The following ANAPC4 variants were observed in gnomAD, a reference collection of about 807,000 sequenced individuals.
ANAPC4 encodes anaphase-promoting complex subunit 4.
In ANAPC4, 63 loss-of-function variants were observed where a neutral mutation model predicts 119.8. The ratio of observed to expected loss-of-function variants is 0.53; its 90% CI spans 0.43 to 0.65. ANAPC4 has a LOEUF of 0.65. Among genes scored for constraint, ANAPC4 ranks in the 30% least tolerant of loss-of-function variants. ANAPC4 has a pLI of 0.00. For missense variants in ANAPC4, 716 were observed against 945.1 expected, an observed-to-expected ratio of 0.76 and a Z score of 3.18; for synonymous variants, 283 against 318.6, an observed-to-expected ratio of 0.89 and a Z score of 1.19.
intron 16 of ANAPC4, 143 bp downstream of exon 16, chr4:25,397,042 GC>G: frequency 1.3e-6 from 1 of 787,170 alleles, no homozygotes; most frequent in Non-Finnish European, 2.0e-6. Flanking sequence ...GTTCCGAAAA[GC>G]CAGCAGCACA....
intron 28 of ANAPC4, chr4:25,417,947 C>A (rs1204044167): frequency 1.2e-6 from 1 of 852,178 alleles, no homozygotes; most frequent in Non-Finnish European, 1.7e-6. Context: ...AATAATAATA[C>A]TAGATTTTAA....
At chr4:25,409,551 G>A in intron 20 of ANAPC4, 147 bp from the exon 21 acceptor site, 1 of 585,592 alleles carries the variant, frequency 1.7e-6, no homozygotes, top group Non-Finnish European at 3.0e-6. Flanking sequence ...AACTTATTAA[G>A]TTAAAAAAGT....
rs80340350 is a variant in ANAPC4 at position 25,408,139 on chromosome 4, C to G, written c.1431+886C>G. On this transcript the variant is annotated intron_variant, in intron 20 of 28. Coordinates refer to ENST00000315368, the MANE Select transcript of ANAPC4 (RefSeq NM_013367.3). Reference sequence around the variant, plus strand: ...TCAGTGTATATGAAAAAAGTCTGGCCTCACACAGGTGTGTATATGAAAAGG... The same window carrying G: ...TCAGTGTATATGAAAAAAGTCTGGCGTCACACAGGTGTGTATATGAAAAGG... Among the ~76,000 whole-genome samples, 592 of 152,244 alleles carry G rather than the reference C, an allele frequency of 3.9e-3. 3 individuals are homozygous for G. Among genetic ancestry groups the G allele is most frequent in the African/African-American group, 0.014 (570 of 41,526 alleles).
At chr4:25,382,456 G>T (rs1323660070) in intron 3 of ANAPC4, among the ~76,000 whole-genome samples, 1 of 152,186 alleles carries the variant, frequency 6.6e-6, no homozygotes, top group Non-Finnish European at 1.5e-5. Flanking sequence ...AAAGTTATGA[G>T]ATCTTGCACT....
chr4:25,391,598 G>C (rs1365809877), intron 9 of ANAPC4, among the ~76,000 whole-genome samples: 2 of 152,300 alleles, frequency 1.3e-5, no homozygotes, highest in East Asian at 3.9e-4. Flanking sequence ...ATTGCGTGCT[G>C]TCTGCATTGT....
intron 2 of ANAPC4, 24 bp from the exon 3 acceptor site, chr4:25,380,350 G>C (rs761771200): frequency 2.6e-6 from 4 of 1,546,686 alleles, no homozygotes; most frequent in South Asian, 2.4e-5. Flanking sequence ...TTAATTTCCT[G>C]CCATTATATC....
At chr4:25,390,016 C>A in intron 7 of ANAPC4, 120 bp from the exon 8 acceptor site, 1 of 609,366 alleles carries the variant, frequency 1.6e-6, no homozygotes, top group Non-Finnish European at 2.8e-6. Flanking sequence ...TCACTTCCCT[C>A]TGCAGGGGAG....
At chr4:25,394,941 C>A (rs201340984) in intron 14 of ANAPC4, 36 bp downstream of exon 14, 6 of 1,490,768 alleles carry the variant, frequency 4.0e-6, no homozygotes, top group Non-Finnish European at 5.5e-6. Flanking sequence ...GGTATTGTAT[C>A]CACACATACC....
At chr4:25,416,286 G>T in intron 26 of ANAPC4, 139 bp from the exon 27 acceptor site, 1 of 469,276 alleles carries the variant, frequency 2.1e-6, no homozygotes, top group Non-Finnish European at 3.7e-6. Context: ...ACAAACCAAT[G>T]ATATATTTTA....
chr4:25,388,958 G>C (rs1341651859), intron 7 of ANAPC4, 76 bp downstream of exon 7: 10 of 1,224,500 alleles, frequency 8.2e-6, no homozygotes, highest in Non-Finnish European at 1.2e-5. Flanking sequence ...AGCTTTAAGA[G>C]CAAATCCTTT....
Position 25,385,012 on chromosome 4 carries a change from G to A in ANAPC4, c.368+1619G>A, listed in dbSNP as rs571474585. On this transcript the variant is annotated intron_variant, in intron 4 of 28. Transcript: ENST00000315368. ...AGTGGATTAAAACATTTAGTGAACC[G>A]TGCTGTAAACAGATATGCTGTCATT... Among the ~76,000 whole-genome samples, 63 of 152,278 alleles carry A rather than the reference G, an allele frequency of 4.1e-4. 1 individual carries two copies. The South Asian group carries it at 4.1e-3, about 10-fold the overall frequency.
intron 16 of ANAPC4, among the ~76,000 whole-genome samples, chr4:25,402,294 A>C (rs1363841046): frequency 3.3e-5 from 5 of 152,236 alleles, no homozygotes; most frequent in African/African-American, 2.4e-5. Flanking sequence ...TGAAAAGCAC[A>C]GGTTTTTGCC....
In ANAPC4 at chr4:25,405,945, G is replaced by A. The variant is rs1007770626; in HGVS notation, c.1317+326G>A. ...GCTTCTTATTTTCCTTGGAAATCAG[G>A]TGCTTAGATATTAGTCCCTGTGTTG... is the stretch of plus-strand genomic sequence containing the variant. On this transcript the variant is annotated intron_variant, in intron 18 of 28. Transcript: ENST00000315368. The surrounding 1 kb of genome is among the most constrained non-coding windows in gnomAD (Gnocchi z 4.6). 3.3e-5 allele frequency among the ~76,000 whole-genome samples: 5 copies of A among 152,188 alleles called. No homozygotes were observed. The highest frequency in any genetic ancestry group is 2.0e-4 in the Admixed American group (3 of 15,284).
rs973214830 is a variant in ANAPC4 at position 25,418,199 on chromosome 4, A to G, written c.2244A>G (p.Ile748Met). ...ATGTGAGAGTATTTGAAATGGACAT[A>G]GATGATGAATGGGAGCTCGATGAGT... ...LRHVRVFEMD[I>M]DDEWELDESS... The change falls in exon 29 of 29, where the codon ATA (isoleucine) becomes ATG (methionine). Residue 748 changes from isoleucine (I) to methionine (M), a missense_variant. Physicochemically the swap from Ile to Met is conservative, Grantham distance 10. Around this residue, in one of 3 missense-constraint regions of ANAPC4, gnomAD observed 504 missense variants for 615.8 expected, o/e 0.82. Transcript: ENST00000315368. 1.9e-6 allele frequency: 3 copies of G among 1,614,120 alleles called. No individual in the cohort carries two copies. The highest frequency in any genetic ancestry group is 2.5e-6 in the Non-Finnish European group (3 of 1,179,972).
At chr4:25,377,382 G>A in intron 1 of ANAPC4, 36 bp from the exon 2 acceptor site, 1 of 1,607,632 alleles carries the variant, frequency 6.2e-7, no homozygotes, top group Non-Finnish European at 8.5e-7. Context: ...GAGAGCCGGG[G>A]GCTCCTGCCG....
intron 18 of ANAPC4, among the ~76,000 whole-genome samples, chr4:25,406,121 C>G (rs1197818766): frequency 6.6e-6 from 1 of 152,156 alleles, no homozygotes; most frequent in East Asian, 1.9e-4. Context: ...CTTCTTCACC[C>G]CTGCTGAAAC....
At chr4:25,408,741 C>T (rs546735825) in intron 20 of ANAPC4, among the ~76,000 whole-genome samples, 13 of 152,026 alleles carry the variant, frequency 8.6e-5, no homozygotes, top group South Asian at 8.3e-4. Flanking sequence ...TCAAGTGATA[C>T]GCCTGCCATG....
chr4:25,396,602 C>G (rs1023167820), intron 14 of ANAPC4, 62 bp from the exon 15 acceptor site: 1 of 1,168,458 alleles, frequency 8.6e-7, no homozygotes, highest in African/African-American at 1.6e-5. Flanking sequence ...TAGAAATATT[C>G]AGGCAAGTTA....
chr4:25,414,596 T>G lies in ANAPC4; in HGVS notation c.1725-3T>G. ...AAAATATTATGACAATTTTTTTTCT[T>G]AGGTGGAATAATAAAACTTCAAATC... On this transcript the variant is annotated splice_region_variant and splice_polypyrimidine_tract_variant and intron_variant, in intron 24 of 28. Coordinates refer to ENST00000315368, the MANE Select transcript of ANAPC4 (RefSeq NM_013367.3). 1 of 1,552,830 alleles carries G rather than the reference T, an allele frequency of 6.4e-7. No individual in the cohort carries two copies. Among genetic ancestry groups the G allele is most frequent in the Non-Finnish European group, 8.7e-7 (1 of 1,147,294 alleles).
Sources: allele counts gnomAD v4.1 joint callset (sites outside exome capture counted in the v4.1 genomes callset), GRCh38; gene constraint gnomAD v4.1.1; regional missense constraint gnomAD v4.1.1; non-coding constraint Gnocchi (gnomAD v3.1); transcripts MANE v1.5; gene names NCBI Gene and HGNC (gene_info 2026-07-23, HGNC 2026-07-21).